The following KCNN2 variants were observed in gnomAD, a reference collection of about 807,000 sequenced individuals.
The protein encoded by KCNN2 is small conductance calcium-activated potassium channel protein 2.
KCNN2 carries 24 observed loss-of-function variants against 55.5 expected under a neutral mutation model. That is an observed-to-expected ratio of 0.43 (90% CI 0.31 to 0.61). The LOEUF (loss-of-function observed/expected upper bound fraction) is 0.61. Ranked by LOEUF, KCNN2 falls within the 20% of genes least tolerant of loss-of-function variation. KCNN2 has a pLI of 0.08. For synonymous variants in KCNN2, 431 were observed against 336.1 expected, an observed-to-expected ratio of 1.28 and a Z score of -3.09; for missense variants, 754 against 853.6, an observed-to-expected ratio of 0.88 and a Z score of 1.45.
intron 2 of KCNN2, among the ~76,000 whole-genome samples, chr5:114,389,916 T>C (rs893038367): frequency 3.3e-5 from 5 of 152,158 alleles, no homozygotes; most frequent in African/African-American, 1.2e-4. Context: ...TACAGCCTGA[T>C]GCCCCCATCA....
Position 114,473,051 on chromosome 5 carries a change from C to G in KCNN2, c.1780-3C>G. Reference sequence around the variant, plus strand: ...TGGGTTTCTCTTCTCTCCTTGTTTTCAGGGTGCTGGTTGCACAGCCCTGGT... The same window carrying G: ...TGGGTTTCTCTTCTCTCCTTGTTTTGAGGGTGCTGGTTGCACAGCCCTGGT... On this transcript the variant is annotated splice_polypyrimidine_tract_variant and splice_region_variant and intron_variant, in intron 4 of 7. Coordinates refer to ENST00000673685, the MANE Select transcript of KCNN2 (RefSeq NM_021614.4). 6.3e-7 allele frequency: 1 copy of G among 1,591,832 alleles called. No homozygotes were observed. Among genetic ancestry groups the G allele is most frequent in the Non-Finnish European group, 8.6e-7 (1 of 1,165,570 alleles).
At chr5:114,270,086 C>T (rs1755297261) in intron 2 of KCNN2, among the ~76,000 whole-genome samples, 1 of 152,180 alleles carries the variant, frequency 6.6e-6, no homozygotes, top group African/African-American at 2.4e-5. Flanking sequence ...AGCATCTGCT[C>T]CAGGCAGTTT....
intron 2 of KCNN2, among the ~76,000 whole-genome samples, chr5:114,246,613 G>A (rs73779771): frequency 6.5e-4 from 99 of 152,172 alleles, no homozygotes; most frequent in African/African-American, 2.3e-3. Context: ...TAGAGCTACT[G>A]TACCTTTATT....
intron 1 of KCNN2, among the ~76,000 whole-genome samples, chr5:114,175,979 A>C (rs375413984): frequency 6.6e-6 from 1 of 152,220 alleles, no homozygotes; most frequent in Non-Finnish European, 1.5e-5. Context: ...ATTCACATAC[A>C]TATTTCTTAT....
At chr5:114,253,274 G>A (rs1186617834) in intron 2 of KCNN2, among the ~76,000 whole-genome samples, 1 of 151,988 alleles carries the variant, frequency 6.6e-6, no homozygotes, top group Non-Finnish European at 1.5e-5. Context: ...AATCTGAAGG[G>A]AGAGGAGGCT....
At chr5:114,338,738 C>T (rs191672747) in intron 2 of KCNN2, among the ~76,000 whole-genome samples, 265 of 152,212 alleles carry the variant, frequency 1.7e-3, no homozygotes, top group Non-Finnish European at 3.0e-3. Context: ...TTAGGGTTTC[C>T]CTATGGGAAT....
chr5:114,228,526 G>A lies in KCNN2; in HGVS notation c.-185+6961G>A, dbSNP rs910434619. Among the ~76,000 whole-genome samples, 6 of 151,872 alleles carry A rather than the reference G, an allele frequency of 4.0e-5. No homozygotes were observed. In the East Asian group the frequency reaches 1.2e-3, roughly 29 times the overall value. ...TTTATTATGATGTAGTCTGCTTCTG[G>A]GAAAAATGCAGTAATATCAGTAACT... On this transcript the variant is annotated intron_variant, in intron 2 of 10. Coordinates refer to the KCNN2 transcript ENST00000512097.
At chr5:114,328,337 G>A (rs1409808051) in intron 2 of KCNN2, among the ~76,000 whole-genome samples, 3 of 152,100 alleles carry the variant, frequency 2.0e-5, no homozygotes, top group Middle Eastern at 3.2e-3. Context: ...CATGGGTTAA[G>A]GAATAGATTT....
chr5:114,066,373 G>A (rs916810498), intron 1 of KCNN2, among the ~76,000 whole-genome samples: 7 of 152,282 alleles, frequency 4.6e-5, no homozygotes, highest in Non-Finnish European at 1.0e-4. Flanking sequence ...CAAAACCCTA[G>A]GGTTGAGTTT....
At chr5:114,313,922 A>T (rs900953592) in intron 2 of KCNN2, among the ~76,000 whole-genome samples, 4 of 152,114 alleles carry the variant, frequency 2.6e-5, no homozygotes, top group African/African-American at 7.2e-5. Flanking sequence ...TTCTAAAATC[A>T]CTTTTTAGTT....
chr5:114,432,837 G>A (rs1759846228), intron 3 of KCNN2, among the ~76,000 whole-genome samples: 3 of 152,218 alleles, frequency 2.0e-5, no homozygotes, highest in South Asian at 4.1e-4. Context: ...CAGCGGCTGC[G>A]GTGGTTGTAC....
At chr5:114,270,778 A>G (rs1477421822) in intron 2 of KCNN2, among the ~76,000 whole-genome samples, 1 of 152,148 alleles carries the variant, frequency 6.6e-6, no homozygotes, top group East Asian at 1.9e-4. Context: ...GCTGACTTCA[A>G]GAATGAAGCC....
intron 1 of KCNN2, among the ~76,000 whole-genome samples, chr5:114,084,440 A>C (rs1750968871): frequency 6.6e-6 from 1 of 152,004 alleles, no homozygotes. Flanking sequence ...GCTTTCTTTC[A>C]AGTGCTTATT....
intron 3 of KCNN2, among the ~76,000 whole-genome samples, chr5:114,448,405 C>A (rs189418071): frequency 6.6e-6 from 1 of 152,180 alleles, no homozygotes; most frequent in Non-Finnish European, 1.5e-5. Context: ...CCTGCATGAA[C>A]CTAGACCTGT....
intron 5 of KCNN2, among the ~76,000 whole-genome samples, chr5:114,479,175 T>C (rs1199098250): frequency 2.0e-5 from 3 of 147,102 alleles, no homozygotes; most frequent in Non-Finnish European, 4.5e-5. Context: ...GACACACACA[T>C]AGGCTCAAAA....
intron 2 of KCNN2, among the ~76,000 whole-genome samples, chr5:114,291,250 A>T (rs1380077599): frequency 6.6e-6 from 1 of 151,934 alleles, no homozygotes; most frequent in Non-Finnish European, 1.5e-5. Context: ...CAGGTTTGTT[A>T]AATATATATA....
At chr5:114,375,482 T>A (rs1201280864) in intron 2 of KCNN2, among the ~76,000 whole-genome samples, 1 of 152,184 alleles carries the variant, frequency 6.6e-6, no homozygotes, top group African/African-American at 2.4e-5. Flanking sequence ...TTGCTGTAAG[T>A]CAATTTTCAT....
At chr5:114,134,458 GATTTATTTATTTATTT>G (rs368773249) in intron 1 of KCNN2, among the ~76,000 whole-genome samples, 94 of 137,394 alleles carry the variant, frequency 6.8e-4, no homozygotes, top group Non-Finnish European at 1.0e-3. Flanking sequence ...ATCCAACCAT[GATTTATTTATTTATTT>G]ATTTATTTAT....
chr5:114,314,776 G>GTGAC (rs1321404676), intron 2 of KCNN2, among the ~76,000 whole-genome samples: 1 of 152,116 alleles, frequency 6.6e-6, no homozygotes, highest in African/African-American at 2.4e-5. Flanking sequence ...CACTTGCCAA[G>GTGAC]TGACTCCTTC....
Sources: gnomAD v4.1 joint callset for allele counts (sites outside exome capture counted in the v4.1 genomes callset) on GRCh38, gnomAD v4.1.1 for gene constraint, MANE v1.5 for transcripts, NCBI Gene and HGNC (gene_info 2026-07-23, HGNC 2026-07-21) for gene names.